Variants in LCT observed in about 807,000 individuals in gnomAD.
LCT encodes lactase, also known as lactase/phlorizin hydrolase.
Under a neutral mutation model 173.0 loss-of-function variants are expected in LCT, and 90 were observed. The ratio of observed to expected loss-of-function variants is 0.52; its 90% CI spans 0.44 to 0.62. The LOEUF (loss-of-function observed/expected upper bound fraction) is 0.62. Ranked by LOEUF, LCT falls within the 20% of genes least tolerant of loss-of-function variation. The pLI, the probability that LCT is intolerant of heterozygous loss-of-function variation, is 0.00. For missense variants in LCT, 1,864 were observed against 2,431.4 expected (o/e 0.77, Z 4.91); for synonymous variants, 853 against 957.6 (o/e 0.89, Z 2.02).
chr2:135,805,860 C>T (rs1029969527), intron 9 of LCT, among the ~76,000 whole-genome samples: 1 of 152,082 alleles, frequency 6.6e-6, no homozygotes, highest in African/African-American at 2.4e-5. Context: ...ATAAATCTAC[C>T]GTATGGCCAG....
In LCT at chr2:135,790,622, G is replaced by A. The variant is rs1808756; in HGVS notation, c.5335+36C>T. On this transcript the variant is annotated intron_variant, in intron 15 of 16. Transcript: ENST00000264162. This position sits in a 1 kb window ranked among gnomAD's most constrained non-coding sequence, Gnocchi z 4.1. Reference sequence around the variant, plus strand: ...CAAATAGCAGATGTTTCCAACAGGGGAAGGTGCACGCTGGGGAAGGGCGGG... The same window carrying A: ...CAAATAGCAGATGTTTCCAACAGGGAAAGGTGCACGCTGGGGAAGGGCGGG... The A allele has an allele frequency of 0.99, 1,350,150 of 1,361,648 alleles. 669,758 individuals carry two copies. The highest frequency in any genetic ancestry group is 1 in the Non-Finnish European group (951,586 of 951,716). 84.3% of individuals were successfully genotyped at this position (1,361,648 alleles called of 1,614,324 possible).
intron 7 of LCT, among the ~76,000 whole-genome samples, chr2:135,811,701 TA>T (rs59187404): frequency 0.15 from 16,217 of 109,260 alleles, 1,180 homozygotes; most frequent in East Asian, 0.27. Context: ...ACCCTGATTC[TA>T]AAAAAAAAAA....
chr2:135,800,940 G>A (rs1278482819), intron 11 of LCT, 131 bp from the exon 12 acceptor site: 1 of 734,658 alleles, frequency 1.4e-6, no homozygotes, highest in Non-Finnish European at 2.4e-6. Flanking sequence ...AGGAAAACTG[G>A]AATTCAAACC....
At chr2:135,828,303 A>T (rs1014857079) in intron 3 of LCT, among the ~76,000 whole-genome samples, 4 of 152,174 alleles carry the variant, frequency 2.6e-5, no homozygotes, top group Non-Finnish European at 4.4e-5. Flanking sequence ...GATTACAGGC[A>T]TGAGCCACTG....
At chr2:135,836,441 G>C in intron 1 of LCT, 89 bp downstream of exon 1, 2 of 1,186,184 alleles carry the variant, frequency 1.7e-6, no homozygotes, top group South Asian at 2.4e-5. Context: ...AGGTGAGTTG[G>C]GAGAAATGTC....
At position 135,798,051 on chromosome 2, in the gene LCT, C is replaced by G; in HGVS notation, c.4954G>C (p.Ala1652Pro). 6.2e-7 allele frequency: 1 copy of G among 1,611,082 alleles called. No homozygotes were observed. The highest frequency in any genetic ancestry group is 8.5e-7 in the Non-Finnish European group (1 of 1,177,268). ...MKTRIRDRSL[A>P]AGLNKSRLPE... ...TACCGAGACTTGTTGAGGCCTGCAG[C>G]CAAGCTCCTGTCACGGATCCGCGTC... The change falls in exon 13 of 17, where the codon GCT becomes CCT. Residue 1652 changes from alanine (A) to proline (P), a missense_variant. Ala to Pro is a conservative substitution (Grantham distance 27). Transcript: ENST00000264162.
intron 6 of LCT, among the ~76,000 whole-genome samples, chr2:135,814,953 T>C (rs2077767189): frequency 6.6e-6 from 1 of 152,092 alleles, no homozygotes; most frequent in Non-Finnish European, 1.5e-5. Context: ...GGTGATTAGA[T>C]TTAGAGGAGG....
chr2:135,804,082 C>T lies in LCT; in HGVS notation c.4511G>A (p.Gly1504Glu). The T allele has an allele frequency of 8.1e-6, 13 of 1,614,166 alleles. No individual in the cohort carries two copies. Among genetic ancestry groups the T allele is most frequent in the Non-Finnish European group, 8.5e-6 (10 of 1,180,034 alleles). ...CACGATGGTCTCATTCTCCCAGCCT[C>T]CTACATCTTGGAGCGTCTGTGGTAG... is the stretch of plus-strand genomic sequence containing the variant. Reference protein sequence around the residue: ...WDLPQTLQDVGGWENETIVQR... With the variant: ...WDLPQTLQDVEGWENETIVQR... Residue 1504 changes from glycine to glutamate, a missense_variant, in exon 11 of 17, where the codon GGA (glycine) becomes GAA (glutamate). This residue lies in a region of LCT where 514 missense variants were observed against 750.1 expected (regional missense o/e 0.69). Transcript: ENST00000264162.
At chr2:135,832,291 G>A (rs2105557070) in intron 2 of LCT, among the ~76,000 whole-genome samples, 1 of 151,524 alleles carries the variant, frequency 6.6e-6, no homozygotes, top group East Asian at 2.0e-4. Flanking sequence ...GCTCATGCCT[G>A]TAATCCTGAC....
Position 135,804,062 on chromosome 2 carries a change from T to C in LCT, c.4531A>G (p.Ile1511Val). The C allele has an allele frequency of 6.2e-7, 1 of 1,614,172 alleles. No individual in the cohort carries two copies. Among genetic ancestry groups the C allele is most frequent in the Non-Finnish European group, 8.5e-7 (1 of 1,180,018 alleles). Reference sequence around the variant, plus strand: ...GCATACTCCTTAAACCGCTGCACGATGGTCTCATTCTCCCAGCCTCCTACA... The same window carrying C: ...GCATACTCCTTAAACCGCTGCACGACGGTCTCATTCTCCCAGCCTCCTACA... ...QDVGGWENET[I>V]VQRFKEYADV... Residue 1511 changes from isoleucine (I) to valine (V), a missense_variant, in exon 11 of 17, where the codon ATC becomes GTC. Ile to Val is a conservative substitution (Grantham distance 29). This residue lies in a region of LCT where 514 missense variants were observed against 750.1 expected (regional missense o/e 0.69). Coordinates refer to ENST00000264162, the MANE Select transcript of LCT (RefSeq NM_002299.4).
rs191279008 is a variant in LCT, at chr2:135,836,541, T to C, written c.629A>G (p.Tyr210Cys). 1.3e-5 allele frequency: 21 copies of C among 1,614,146 alleles called. No individual in the cohort carries two copies. In the East Asian group the frequency reaches 3.3e-4, roughly 26 times the overall value. ...CAATGTGTACTCACCCTGAAAAGCA[T>C]AGCTTTCGTGGTAAATCTCATAGGC... ...RKAYEIYHES[Y>C]AFQGGKLSVV... The change falls in exon 1 of 17, where the codon TAT becomes TGT. Residue 210 changes from tyrosine (Y) to cysteine (C), a missense_variant. Physicochemically the swap from Tyr to Cys is radical, Grantham distance 194. Around this residue, in one of 4 missense-constraint regions of LCT, gnomAD observed 412 missense variants for 462.0 expected, o/e 0.89. Coordinates refer to ENST00000264162, the MANE Select transcript of LCT (RefSeq NM_002299.4).
Position 135,800,672 on chromosome 2 carries a change from C to A in LCT, c.4801G>T (p.Asp1601Tyr). The A allele has an allele frequency of 6.2e-7, 1 of 1,613,554 alleles. No individual in the cohort carries two copies. The highest frequency in any genetic ancestry group is 1.1e-5 in the South Asian group (1 of 91,042). The change falls in exon 12 of 17, where the codon GAC becomes TAC. Residue 1601 changes from aspartate (D) to tyrosine (Y), a missense_variant. Transcript: ENST00000264162. ...GAGGGATCTCTGGGTTCAGCCCAGT[C>A]ACTGCTGATGGTGATGGAAATCACG... Reference protein sequence around the residue: ...GGVISITISSDWAEPRDPSNQ... With the variant: ...GGVISITISSYWAEPRDPSNQ...
intron 10 of LCT, 61 bp downstream of exon 10, chr2:135,804,706 C>T: frequency 6.8e-7 from 1 of 1,464,220 alleles, no homozygotes; most frequent in South Asian, 1.1e-5. Flanking sequence ...AAATGTGCTC[C>T]CCCAGCCCTG....
intron 4 of LCT, 45 bp downstream of exon 4, chr2:135,823,856 T>C (rs2077859302): frequency 1.6e-6 from 2 of 1,261,602 alleles, no homozygotes; most frequent in African/African-American, 1.5e-5. Context: ...AGCACACCAG[T>C]GCACCAGATG....
Position 135,832,964 on chromosome 2 carries a change from G to T in LCT, c.720+147C>A. 9 of 736,248 alleles carry T rather than the reference G, an allele frequency of 1.2e-5. No individual in the cohort carries two copies. The East Asian group carries it at 1.8e-4, about 14-fold the overall frequency. 45.6% of individuals were successfully genotyped at this position (736,248 alleles called of 1,614,324 possible). ...GCAGCTTCAAGATTTTGTTTTTAAG[G>T]TAATTATGAACCTGGAGAACATACA... On this transcript the variant is annotated intron_variant, in intron 2 of 16. Transcript: ENST00000264162.
chr2:135,809,483 C>T lies in LCT; in HGVS notation c.2864G>A (p.Ser955Asn). Residue 955 changes from serine (S) to asparagine (N), a missense_variant, in exon 8 of 17, where the codon AGC (serine) becomes AAC (asparagine). Physicochemically the swap from Ser to Asn is conservative, Grantham distance 46. Around this residue, in one of 4 missense-constraint regions of LCT, gnomAD observed 755 missense variants for 926.3 expected, o/e 0.82. Coordinates refer to ENST00000264162, the MANE Select transcript of LCT (RefSeq NM_002299.4). This position sits in a 1 kb window ranked among gnomAD's most constrained non-coding sequence, Gnocchi z 5.5. Reference sequence around the variant, plus strand: ...CAGATCGGCATCCAGCTGGTGATAGCTGTCACAGGCGATGTCTCCAGTGGC... The same window carrying T: ...CAGATCGGCATCCAGCTGGTGATAGTTGTCACAGGCGATGTCTCCAGTGGC... ...DNATGDIACD[S>N]YHQLDADLNM... 6.2e-7 allele frequency: 1 copy of T among 1,614,268 alleles called. No homozygotes were observed. The highest frequency in any genetic ancestry group is 8.5e-7 in the Non-Finnish European group (1 of 1,180,050).
Position 135,794,756 on chromosome 2 carries a change from T to G in LCT, c.4996A>C (p.Ser1666Arg). 6.2e-7 allele frequency: 1 copy of G among 1,614,130 alleles called. No homozygotes were observed. The highest frequency in any genetic ancestry group is 8.5e-7 in the Non-Finnish European group (1 of 1,180,014). Reference protein sequence around the residue: ...NKSRLPEFTESEKRRINGTYD... With the variant: ...NKSRLPEFTEREKRRINGTYD... ...GTGCCGTTGATCCTCCTCTTCTCAC[T>G]CTCTGTAAATTCTGGCAGCCTGGGT... Residue 1666 changes from serine to arginine, a missense_variant, in exon 14 of 17, where the codon AGT (serine) becomes CGT (arginine). Ser to Arg is a moderately radical substitution (Grantham distance 110). Around this residue, in one of 4 missense-constraint regions of LCT, gnomAD observed 514 missense variants for 750.1 expected, o/e 0.69. Coordinates refer to ENST00000264162, the MANE Select transcript of LCT (RefSeq NM_002299.4).
rs541413849 is a variant in LCT at position 135,803,911 on chromosome 2, A to G, written c.4663+19T>C. ...AATGCCATGATTCAAAGAGCCTATG[A>G]GCCAGGGCTGGGACTTACCTGGAGC... On this transcript the variant is annotated intron_variant, in intron 11 of 16. Transcript: ENST00000264162. 3 of 1,607,000 alleles carry G rather than the reference A, an allele frequency of 1.9e-6. No individual in the cohort carries two copies. The East Asian group carries it at 6.7e-5, about 36-fold the overall frequency.
intron 13 of LCT, among the ~76,000 whole-genome samples, chr2:135,794,990 A>C (rs978453422): frequency 6.6e-6 from 1 of 151,964 alleles, no homozygotes; most frequent in Admixed American, 6.5e-5. Flanking sequence ...CTAGGTCTCT[A>C]CAAGAGCCTC....
Sources: allele counts gnomAD v4.1 joint callset (sites outside exome capture counted in the v4.1 genomes callset), GRCh38; gene constraint gnomAD v4.1.1; regional missense constraint gnomAD v4.1.1; non-coding constraint Gnocchi (gnomAD v3.1); transcripts MANE v1.5; gene names NCBI Gene and HGNC (gene_info 2026-07-23, HGNC 2026-07-21).